Variants in RASAL2 observed in about 807,000 individuals in gnomAD.
RASAL2 encodes the protein RAS protein activator like 2, also known as ras GTPase-activating protein nGAP.
In RASAL2, 58 loss-of-function variants were observed where a neutral mutation model predicts 128.9. That is an observed-to-expected ratio of 0.45 (90% CI 0.36 to 0.56). The LOEUF (loss-of-function observed/expected upper bound fraction) is 0.56, where lower values mean the gene tolerates loss of function less well. Ranked by LOEUF, RASAL2 falls within the 20% of genes least tolerant of loss-of-function variation. The pLI, the probability that RASAL2 is intolerant of heterozygous loss-of-function variation, is 0.00. For synonymous variants in RASAL2, 561 were observed against 580.8 expected (o/e 0.97, Z 0.49); for missense variants, 1,360 against 1,601.6 (o/e 0.85, Z 2.57).
At chr1:178,330,888 A>G (rs929797607) in intron 3 of RASAL2, among the ~76,000 whole-genome samples, 8 of 152,122 alleles carry the variant, frequency 5.3e-5, no homozygotes, top group African/African-American at 1.9e-4. Context: ...TACTGTTTTT[A>G]TTTTATCTTA....
chr1:178,477,808 A>G lies in RASAL2; in HGVS notation c.*4569A>G, dbSNP rs1648784194. The G allele has an allele frequency of 6.6e-6, 1 of 152,200 alleles. No individual in the cohort carries two copies. The highest frequency in any genetic ancestry group is 6.5e-5 in the Admixed American group (1 of 15,278). 9.4% of individuals were successfully genotyped at this position (152,200 alleles called of 1,614,324 possible). A position where few individuals can be genotyped will look rare whatever the true frequency, so the allele number is the denominator to read the frequency against. On this transcript the variant is annotated 3_prime_UTR_variant, in exon 18 of 18. Coordinates refer to ENST00000367649, the MANE Select transcript of RASAL2 (RefSeq NM_170692.4). The stretch of plus-strand genomic sequence containing the variant: ...GACATTCTATCATCCTAAAAAATGT[A>G]CTATATGTGTTATATGTATATATAA...
chr1:178,418,451 A>G (rs1367793011), intron 4 of RASAL2, among the ~76,000 whole-genome samples: 2 of 152,150 alleles, frequency 1.3e-5, no homozygotes, highest in African/African-American at 4.8e-5. Context: ...CAATCTCTAC[A>G]TACCTATAAT....
At chr1:178,334,092 A>G (rs1435586376) in intron 3 of RASAL2, among the ~76,000 whole-genome samples, 1 of 152,130 alleles carries the variant, frequency 6.6e-6, no homozygotes, top group Non-Finnish European at 1.5e-5. Context: ...CATGCTTTTT[A>G]TAACATTGCT....
chr1:178,380,884 C>T (rs1362535105), intron 3 of RASAL2, among the ~76,000 whole-genome samples: 1 of 151,776 alleles, frequency 6.6e-6, no homozygotes, highest in Non-Finnish European at 1.5e-5. Context: ...GTTTGGTACC[C>T]AAAACTAAAA....
intron 2 of RASAL2, among the ~76,000 whole-genome samples, chr1:178,295,604 C>T (rs1009074567): frequency 6.6e-6 from 1 of 152,080 alleles, no homozygotes; most frequent in African/African-American, 2.4e-5. Flanking sequence ...TGGTTCGCAA[C>T]CTTAGTGAGC....
At chr1:178,394,680 G>T (rs1395730557) in intron 4 of RASAL2, among the ~76,000 whole-genome samples, 3 of 152,094 alleles carry the variant, frequency 2.0e-5, no homozygotes, top group African/African-American at 7.2e-5. Context: ...TGCTTCATTT[G>T]TGTTTGCTTT....
At chr1:178,197,338 C>A (rs1007718839) in intron 1 of RASAL2, among the ~76,000 whole-genome samples, 1 of 152,080 alleles carries the variant, frequency 6.6e-6, no homozygotes, top group African/African-American at 2.4e-5. Context: ...CGTCTGTAAT[C>A]CTAGCTACTC....
chr1:178,449,327 A>G (rs925496734), intron 9 of RASAL2, among the ~76,000 whole-genome samples: 3 of 152,152 alleles, frequency 2.0e-5, no homozygotes, highest in African/African-American at 4.8e-5. Flanking sequence ...AGGAAATACT[A>G]TCTGTGAGAT....
chr1:178,286,738 C>T (rs1003003975), intron 2 of RASAL2, among the ~76,000 whole-genome samples: 3 of 152,136 alleles, frequency 2.0e-5, no homozygotes, highest in African/African-American at 7.2e-5. Flanking sequence ...CCTTCCTCGT[C>T]GTTTTTTGTT....
At chr1:178,224,315 C>A (rs1475025282) in intron 1 of RASAL2, among the ~76,000 whole-genome samples, 1 of 148,774 alleles carries the variant, frequency 6.7e-6, no homozygotes, top group South Asian at 2.1e-4. Flanking sequence ...TTAAATAAAT[C>A]TTTTATTCCA....
At chr1:178,332,873 A>AT (rs1389586214) in intron 3 of RASAL2, among the ~76,000 whole-genome samples, 1 of 151,964 alleles carries the variant, frequency 6.6e-6, no homozygotes, top group Non-Finnish European at 1.5e-5. Context: ...AAGTGCTGGG[A>AT]TTACAGGCGT....
chr1:178,328,597 C>T (rs1464536028), intron 3 of RASAL2, among the ~76,000 whole-genome samples: 1 of 152,062 alleles, frequency 6.6e-6, no homozygotes, highest in Non-Finnish European at 1.5e-5. Context: ...TGTAAAGAAA[C>T]AATAAGTGAT....
At chr1:178,109,505 T>C (rs954959705) in intron 1 of RASAL2, among the ~76,000 whole-genome samples, 3 of 152,214 alleles carry the variant, frequency 2.0e-5, no homozygotes, top group Non-Finnish European at 2.9e-5. Context: ...ATGGTACATA[T>C]GCTTTATAAT....
chr1:178,222,355 T>C (rs1663644282), intron 1 of RASAL2, among the ~76,000 whole-genome samples: 1 of 152,160 alleles, frequency 6.6e-6, no homozygotes. Flanking sequence ...TCTGGTTTAA[T>C]TGAGCATTTT....
chr1:178,439,682 G>A (rs573446360), intron 6 of RASAL2, 107 bp downstream of exon 6: 3 of 969,150 alleles, frequency 3.1e-6, no homozygotes. Context: ...TTAATTAACT[G>A]GTTTTCAGTT....
chr1:178,179,442 G>A (rs1314596429), intron 1 of RASAL2, among the ~76,000 whole-genome samples: 3 of 152,130 alleles, frequency 2.0e-5, no homozygotes, highest in South Asian at 2.1e-4. Context: ...AAAGAGTAGC[G>A]AAGAGTCCAC....
chr1:178,219,097 AC>A (rs1218217859), intron 1 of RASAL2, among the ~76,000 whole-genome samples: 1 of 152,198 alleles, frequency 6.6e-6, no homozygotes, highest in East Asian at 1.9e-4. Flanking sequence ...TTTACCTTGT[AC>A]TTTTATGTTC....
intron 4 of RASAL2, among the ~76,000 whole-genome samples, chr1:178,417,437 A>AT (rs1272558295): frequency 2.6e-5 from 4 of 152,168 alleles, no homozygotes; most frequent in African/African-American, 9.6e-5. Context: ...AATACAATGT[A>AT]TCATATTATG....
Position 178,457,990 on chromosome 1 carries a change from G to A in RASAL2, c.2698G>A (p.Ala900Thr), listed in dbSNP as rs748649620. 1.2e-6 allele frequency: 2 copies of A among 1,614,088 alleles called. No homozygotes were observed. Among genetic ancestry groups the A allele is most frequent in the Non-Finnish European group, 1.7e-6 (2 of 1,180,014 alleles). The change falls in exon 14 of 18, where the codon GCA (alanine) becomes ACA (threonine). Residue 900 changes from alanine to threonine, a missense_variant. By Grantham distance (58) the Ala-to-Thr change is moderately conservative (BLOSUM62 0). This residue lies in a region of RASAL2 where 741 missense variants were observed against 868.6 expected (regional missense o/e 0.85). Transcript: ENST00000367649. ...LRETQSTPQS[A>T]PQVRRPLHPA... ...GGAAACCCAGAGCACTCCCCAAAGT[G>A]CACCCCAAGTGAGAAGGCCCCTGCA...
Sources: allele counts gnomAD v4.1 joint callset (sites outside exome capture counted in the v4.1 genomes callset), GRCh38; gene constraint gnomAD v4.1.1; regional missense constraint gnomAD v4.1.1; transcripts MANE v1.5; gene names NCBI Gene and HGNC (gene_info 2026-07-23, HGNC 2026-07-21).